ATM: variants seen among roughly 807,000 people sequenced by gnomAD.
The protein encoded by ATM is ATM serine/threonine kinase.
Under a neutral mutation model 387.0 loss-of-function variants are expected in ATM, and 308 were observed. The ratio of observed to expected loss-of-function variants is 0.80; its 90% CI spans 0.73 to 0.87. The LOEUF (loss-of-function observed/expected upper bound fraction) is 0.87, where lower values mean the gene tolerates loss of function less well. ATM is among the 40% of genes least tolerant of loss of function. ATM has a pLI of 0.00. For synonymous variants in ATM, 1,156 were observed against 1,187.3 expected (o/e 0.97, Z 0.54); for missense variants, 3,312 against 3,560.9 (o/e 0.93, Z 1.78).
intron 8 of ATM, among the ~76,000 whole-genome samples, chr11:108,247,745 G>T (rs1032265138): frequency 1.8e-4 from 28 of 151,992 alleles, no homozygotes; most frequent in African/African-American, 6.8e-4. Context: ...ACAGGTGCCT[G>T]CCACCACGCC....
intron 7 of ATM, among the ~76,000 whole-genome samples, chr11:108,246,023 C>G (rs968816661): frequency 6.6e-6 from 1 of 151,902 alleles, no homozygotes; most frequent in Non-Finnish European, 1.5e-5. Flanking sequence ...GGGGTCTCAC[C>G]ATGTTGGCCA....
In ATM at chr11:108,332,820, T is replaced by C. The variant is rs762765902; in HGVS notation, c.7847T>C (p.Met2616Thr). 1.9e-6 allele frequency: 3 copies of C among 1,613,346 alleles called. No homozygotes were observed. The highest frequency in any genetic ancestry group is 1.1e-5 in the South Asian group (1 of 91,086). Reference protein sequence around the residue: ...ICTIRSRRPQMVRSVEALCDA... With the variant: ...ICTIRSRRPQTVRSVEALCDA... The stretch of plus-strand genomic sequence containing the variant: ...ACTATCAGAAGTAGGAGACCTCAGA[T>C]GGTCAGAAGTGTTGAGGCACTTTGT... Residue 2616 changes from methionine to threonine, a missense_variant, in exon 53 of 63, where the codon ATG becomes ACG. By Grantham distance (81) the Met-to-Thr change is moderately conservative. Around this residue, in one of 4 missense-constraint regions of ATM, gnomAD observed 1,405 missense variants for 1,604.4 expected, o/e 0.88. Coordinates refer to ENST00000675843, the MANE Select transcript of ATM (RefSeq NM_000051.4).
chr11:108,317,645 A>ATATATATATG (rs1263150866), intron 43 of ATM, 124 bp downstream of exon 43: 4 of 177,574 alleles, frequency 2.3e-5, no homozygotes, highest in Non-Finnish European at 1.0e-5. Context: ...ATATATATAT[A>ATATATATATG]TATATATACA....
Position 108,367,631 on chromosome 11 carries a change from G to A in ATM, c.*2123G>A, listed in dbSNP as rs779747622. The A allele has an allele frequency of 9.6e-6, 2 of 208,990 alleles. No homozygotes were observed. Among genetic ancestry groups the A allele is most frequent in the South Asian group, 1.9e-4 (1 of 5,318 alleles). 12.9% of individuals were successfully genotyped at this position (208,990 alleles called of 1,614,324 possible). On this transcript the variant is annotated 3_prime_UTR_variant, in exon 63 of 63. Transcript: ENST00000675843. ...TTCTCCTCGTATTTGGACCTTGAAG[G>A]TTATATAAATTTTTTTCTTATGAAG...
At chr11:108,336,795 G>T (rs1037331465) in intron 56 of ATM, among the ~76,000 whole-genome samples, 1 of 152,148 alleles carries the variant, frequency 6.6e-6, no homozygotes, top group Non-Finnish European at 1.5e-5. Flanking sequence ...ATTTGCCTGA[G>T]AAGACAATCC....
intron 56 of ATM, among the ~76,000 whole-genome samples, chr11:108,337,203 T>C (rs1166190578): frequency 6.6e-6 from 1 of 152,166 alleles, no homozygotes; most frequent in Non-Finnish European, 1.5e-5. Context: ...ATATAAAACT[T>C]ATTGGTTGGG....
intron 32 of ATM, 69 bp downstream of exon 32, chr11:108,295,128 G>A: frequency 6.3e-7 from 1 of 1,589,380 alleles, no homozygotes. Context: ...GCAAAGTCTT[G>A]CTCTTGGTTT....
intron 56 of ATM, among the ~76,000 whole-genome samples, chr11:108,340,662 CTGTT>C (rs2087441311): frequency 1.3e-5 from 2 of 152,146 alleles, no homozygotes; most frequent in Admixed American, 6.5e-5. Flanking sequence ...TTATTAATAA[CTGTT>C]AGAGTGATCC....
intron 38 of ATM, chr11:108,308,656 A>C (rs4988063): frequency 3.2e-5 from 8 of 248,228 alleles, no homozygotes; most frequent in Admixed American, 2.4e-4. Context: ...TCGATGTCTC[A>C]TAAGTGTGTA....
At chr11:108,365,031 T>A (rs1351257434) in intron 61 of ATM, 51 bp from the exon 62 acceptor site, 2 of 1,594,660 alleles carry the variant, frequency 1.3e-6, no homozygotes, top group Non-Finnish European at 1.7e-6. Context: ...TTTCTAAGTA[T>A]GTGATTAAAA....
chr11:108,225,243 C>T (rs1305326920), intron 1 of ATM: 1 of 152,082 alleles, frequency 6.6e-6, no homozygotes, highest in Non-Finnish European at 1.5e-5. Flanking sequence ...AAGAAGATTC[C>T]TAGATAAAAC....
chr11:108,230,988 C>G (rs896998418), intron 4 of ATM: 1 of 152,218 alleles, frequency 6.6e-6, no homozygotes, highest in Non-Finnish European at 1.5e-5. Flanking sequence ...AAGCGTGAGC[C>G]ACTGCACCTG....
At position 108,243,952 on chromosome 11, in the gene ATM, G is replaced by A. The variant is rs778624615; in HGVS notation, c.497-1G>A. On this transcript the variant is annotated splice_acceptor_variant, in intron 5 of 62. Coordinates refer to ENST00000675843, the MANE Select transcript of ATM (RefSeq NM_000051.4). LOFTEE classifies it high-confidence loss of function. ...ACTAATAATTTTTTTTTTTTTTTAA[G>A]AATTGTTCTCTGTGTACTTCAGGCT... 3.3e-6 allele frequency: 5 copies of A among 1,509,060 alleles called. No homozygotes were observed. The highest frequency in any genetic ancestry group is 2.4e-5 in the East Asian group (1 of 41,066). The allele number at this position is 1,509,060 out of a possible 1,614,324, so 93.5% of individuals were successfully genotyped here.
At position 108,336,771 on chromosome 11, in the gene ATM, C is replaced by T. The variant is rs190729300; in HGVS notation, c.8268+810C>T. Among the ~76,000 whole-genome samples, 4 of 152,334 alleles carry T rather than the reference C, an allele frequency of 2.6e-5. No individual in the cohort carries two copies. In the East Asian group the frequency reaches 5.8e-4, roughly 22 times the overall value. Reference sequence around the variant, plus strand: ...CTCTCAATGGGAGTGTACCCACTTACATTTCCTCTAGCTATTTGCCTGAGA... The same window carrying T: ...CTCTCAATGGGAGTGTACCCACTTATATTTCCTCTAGCTATTTGCCTGAGA... On this transcript the variant is annotated intron_variant, in intron 56 of 62. Coordinates refer to ENST00000675843, the MANE Select transcript of ATM (RefSeq NM_000051.4).
chr11:108,316,237 T>C, intron 42 of ATM, 124 bp downstream of exon 42: 1 of 995,166 alleles, frequency 1.0e-6, no homozygotes. Flanking sequence ...TATCTGTTTT[T>C]CAGAGGATTA....
At chr11:108,343,398 A>G (rs755047475) in intron 57 of ATM, 27 bp downstream of exon 57, 2 of 1,612,582 alleles carry the variant, frequency 1.2e-6, no homozygotes, top group Non-Finnish European at 1.7e-6. Flanking sequence ...ATTAAAGGTT[A>G]TTGTAAGATT....
At chr11:108,285,481 C>G (rs889145791) in intron 26 of ATM, among the ~76,000 whole-genome samples, 1 of 152,008 alleles carries the variant, frequency 6.6e-6, no homozygotes, top group Non-Finnish European at 1.5e-5. Context: ...TATATTAAAA[C>G]ATACATACAA....
intron 22 of ATM, among the ~76,000 whole-genome samples, chr11:108,275,054 A>C (rs2081863227): frequency 6.6e-6 from 1 of 152,152 alleles, no homozygotes; most frequent in Non-Finnish European, 1.5e-5. Context: ...GTGCTCCTGT[A>C]TTGGGTGCAT....
rs758038580 is a variant in ATM, at chr11:108,316,078, A to G, written c.6163A>G (p.Ile2055Val). Residue 2055 changes from isoleucine (I) to valine (V), a missense_variant, in exon 42 of 63, where the codon ATC (isoleucine) becomes GTC (valine). Coordinates refer to ENST00000675843, the MANE Select transcript of ATM (RefSeq NM_000051.4). ...AGTAACATATGACCTCGAAACAGCA[A>G]TCCCCTCATCAACACGCCAGGCAGG... ...ALVTYDLETAIPSSTRQAGII... is the reference protein window; with the variant it reads ...ALVTYDLETAVPSSTRQAGII... The G allele has an allele frequency of 7.4e-6, 12 of 1,614,166 alleles. No individual in the cohort carries two copies. In the South Asian group the frequency reaches 1.2e-4, roughly 16 times the overall value.
Sources: gnomAD v4.1 joint callset for allele counts (sites outside exome capture counted in the v4.1 genomes callset) on GRCh38, gnomAD v4.1.1 for gene constraint, gnomAD v4.1.1 regional missense constraint, MANE v1.5 for transcripts, NCBI Gene and HGNC (gene_info 2026-07-23, HGNC 2026-07-21) for gene names.